Variants in PLEKHG2 observed in about 807,000 individuals in gnomAD.
PLEKHG2 encodes the protein pleckstrin homology and RhoGEF domain containing G2.
PLEKHG2 carries 71 observed loss-of-function variants against 104.4 expected under a neutral mutation model. The observed-to-expected ratio is 0.68, with a 90% confidence interval of 0.56 to 0.83. PLEKHG2 has a LOEUF of 0.83. Among genes scored for constraint, PLEKHG2 ranks in the 40% least tolerant of loss-of-function variants. PLEKHG2 has a pLI of 0.00. For synonymous variants in PLEKHG2, 728 were observed against 737.0 expected, an observed-to-expected ratio of 0.99 and a Z score of 0.20; for missense variants, 1,730 against 1,809.4, an observed-to-expected ratio of 0.96 and a Z score of 0.80.
rs1372331393 is a variant in PLEKHG2, at chr19:39,424,055, T to A, written c.2922T>A (p.Asp974Glu). 3 of 1,613,698 alleles carry A rather than the reference T, an allele frequency of 1.9e-6. No homozygotes were observed. Among genetic ancestry groups the A allele is most frequent in the Non-Finnish European group, 2.5e-6 (3 of 1,179,924 alleles). Reference protein sequence around the residue: ...LQVPALTTFSDQGHPEIQVPA... With the variant: ...LQVPALTTFSEQGHPEIQVPA... The stretch of plus-strand genomic sequence containing the variant: ...TGCCGGCTCTTACAACTTTCTCTGA[T>A]CAAGGCCACCCAGAAATCCAAGTTC... Residue 974 changes from aspartate (D) to glutamate (E), a missense_variant, in exon 19 of 19, where the codon GAT becomes GAA. By Grantham distance (45) the Asp-to-Glu change is conservative. Transcript: ENST00000425673.
intron 11 of PLEKHG2, among the ~76,000 whole-genome samples, chr19:39,420,233 C>T (rs1261851979): frequency 3.3e-5 from 5 of 151,962 alleles, no homozygotes; most frequent in East Asian, 1.9e-4. Context: ...GTAGCGGGCA[C>T]CTGTAATCCC....
In PLEKHG2 at chr19:39,423,496, G is replaced by A. The variant is rs750867855; in HGVS notation, c.2442G>A (p.Ala814=). 1.6e-5 allele frequency: 26 copies of A among 1,586,314 alleles called. No homozygotes were observed. The highest frequency in any genetic ancestry group is 6.7e-5 in the African/African-American group (5 of 74,116). Residue 814 remains alanine, a synonymous_variant, in exon 18 of 19, where the codon GCG becomes GCA. Transcript: ENST00000425673. ...KAGAPSSERT[A]SRVRELARLY... The stretch of plus-strand genomic sequence containing the variant: ...GAGCCCCGAGTTCAGAAAGGACGGC[G>A]TCCCGAGTGCGAGAGCTGGCCCGGC...
Position 39,414,173 on chromosome 19 carries a change from C to T in PLEKHG2, c.87C>T (p.Gly29=), listed in dbSNP as rs2078564287. 1 of 1,551,472 alleles carries T rather than the reference C, an allele frequency of 6.4e-7. No individual in the cohort carries two copies. The highest frequency in any genetic ancestry group is 8.7e-7 in the Non-Finnish European group (1 of 1,146,838). The change falls in exon 2 of 19, where the codon GGC becomes GGT. Residue 29 remains glycine, a synonymous_variant. Transcript: ENST00000425673. ...GAAGAGGTGAAGTGTGTGACTGTGG[C>T]ACCGTGTGTGAGACTCGGACAGGTG... ...CGRRGEVCDC[G]TVCETRTAPA...
In PLEKHG2 at chr19:39,425,687, G is replaced by T. The variant is rs1334777260; in HGVS notation, c.*393G>T. ...TTGGCGTGTGTGTGAACTGCTTGAT[G>T]CCCATCCAGGAAAGCCAAGTTAAGA... On this transcript the variant is annotated 3_prime_UTR_variant, in exon 19 of 19. Coordinates refer to ENST00000425673, the MANE Select transcript of PLEKHG2 (RefSeq NM_022835.3). The T allele has an allele frequency of 6.2e-6, 2 of 322,028 alleles. No homozygotes were observed. Among genetic ancestry groups the T allele is most frequent in the African/African-American group, 2.1e-5 (1 of 46,888 alleles). The allele number at this position is 322,028 out of a possible 1,614,324, so 19.9% of individuals were successfully genotyped here. A position where few individuals can be genotyped will look rare whatever the true frequency, so the allele number is the denominator to read the frequency against.
Position 39,424,776 on chromosome 19 carries a change from C to T in PLEKHG2, c.3643C>T (p.Pro1215Ser), listed in dbSNP as rs770046331. ...DAHVPAATPLPERGGSLDIQG... is the reference protein window; with the variant it reads ...DAHVPAATPLSERGGSLDIQG... ...CCATGTTCCAGCTGCCACACCTTTACCTGAGAGAGGAGGCTCTCTAGACAT... is the reference window on the plus strand; with the variant it reads ...CCATGTTCCAGCTGCCACACCTTTATCTGAGAGAGGAGGCTCTCTAGACAT... Residue 1215 changes from proline to serine, a missense_variant, in exon 19 of 19, where the codon CCT (proline) becomes TCT (serine). By Grantham distance (74) the Pro-to-Ser change is moderately conservative. Transcript: ENST00000425673. The T allele has an allele frequency of 1.2e-6, 2 of 1,614,098 alleles. No homozygotes were observed. Among genetic ancestry groups the T allele is most frequent in the African/African-American group, 1.3e-5 (1 of 74,942 alleles).
At position 39,425,714 on chromosome 19, in the gene PLEKHG2, G is replaced by A. The variant is rs2078774473; in HGVS notation, c.*420G>A. ...CCATCCAGGAAAGCCAAGTTAAGAAGCTTTGCTTCAAGTAGACACTAGAAA... is the reference window on the plus strand; with the variant it reads ...CCATCCAGGAAAGCCAAGTTAAGAAACTTTGCTTCAAGTAGACACTAGAAA... On this transcript the variant is annotated 3_prime_UTR_variant, in exon 19 of 19. Coordinates refer to ENST00000425673, the MANE Select transcript of PLEKHG2 (RefSeq NM_022835.3). 3.7e-6 allele frequency: 1 copy of A among 272,980 alleles called. No individual in the cohort carries two copies. The highest frequency in any genetic ancestry group is 1.7e-4 in the South Asian group (1 of 6,048). The allele number at this position is 272,980 out of a possible 1,614,324, so 16.9% of individuals were successfully genotyped here.
At position 39,423,669 on chromosome 19, in the gene PLEKHG2, G is replaced by A. The variant is rs200006310; in HGVS notation, c.2599+16G>A. 1.1e-4 allele frequency: 170 copies of A among 1,555,320 alleles called. No individual in the cohort carries two copies. Among genetic ancestry groups the A allele is most frequent in the Middle Eastern group, 3.5e-4 (2 of 5,782 alleles). ...GCAGAGCCAGGTGAGGTCCGGGTAC[G>A]TGGTTGGCAGAGGTGGTCCCCGCTG... is the stretch of plus-strand genomic sequence containing the variant. On this transcript the variant is annotated intron_variant, in intron 18 of 18. Transcript: ENST00000425673.
At position 39,427,360 on chromosome 19, in the gene PLEKHG2, G is replaced by GTT. The variant is rs2078794005; in HGVS notation, c.*2068_*2069dup. Reference sequence around the variant, plus strand: ...GAATTTTTTTTTTTTTTTAGACGGAGTTTCGCTCTTGTTGCCCAGGCTGGA... The same window carrying GTT: ...GAATTTTTTTTTTTTTTTAGACGGAGTTTTTCGCTCTTGTTGCCCAGGCTGGA... On this transcript the variant is annotated 3_prime_UTR_variant, in exon 19 of 19. Transcript: ENST00000425673. 7.0e-6 allele frequency: 1 copy of GTT among 142,056 alleles called. No homozygotes were observed. Among genetic ancestry groups the GTT allele is most frequent in the African/African-American group, 2.7e-5 (1 of 37,480 alleles). 8.8% of individuals were successfully genotyped at this position (142,056 alleles called of 1,614,324 possible).
At chr19:39,421,397 G>C in intron 16 of PLEKHG2, 98 bp downstream of exon 16, 3 of 1,328,692 alleles carry the variant, frequency 2.3e-6, no homozygotes, top group African/African-American at 1.5e-5. Flanking sequence ...AATGAGAAGG[G>C]GATTGGGGCC....
rs771885115 is a variant in PLEKHG2 at position 39,415,447 on chromosome 19, G to C, written c.479+8G>C. 6.2e-7 allele frequency: 1 copy of C among 1,613,844 alleles called. No individual in the cohort carries two copies. The highest frequency in any genetic ancestry group is 1.1e-5 in the South Asian group (1 of 91,050). On this transcript the variant is annotated splice_region_variant and intron_variant, in intron 4 of 18. Coordinates refer to ENST00000425673, the MANE Select transcript of PLEKHG2 (RefSeq NM_022835.3). The surrounding 1 kb of genome is among the most constrained non-coding windows in gnomAD (Gnocchi z 4.6). ...CATCTACGAGTTCAGCAGGTCAGGG[G>C]CAGGGGGGACAGGCAGGGGGCATTG...
In PLEKHG2 at chr19:39,421,750, G is replaced by A. The variant is rs180885864; in HGVS notation, c.1504-365G>A. ...ATTTAAAAATTGAGCCAGGTACGGT[G>A]GCTCACCTGTAATCCCAGCACTTTG... On this transcript the variant is annotated intron_variant, in intron 16 of 18. Transcript: ENST00000425673. The A allele has an allele frequency of 8.0e-4, 178 of 223,642 alleles. 1 individual carries two copies. Among genetic ancestry groups the A allele is most frequent in the Non-Finnish European group, 1.3e-3 (143 of 113,618 alleles). The allele number at this position is 223,642 out of a possible 1,614,324, so 13.9% of individuals were successfully genotyped here.
Position 39,425,367 on chromosome 19 carries a change from G to A in PLEKHG2, c.*73G>A, listed in dbSNP as rs2078769806. 4 of 1,524,702 alleles carry A rather than the reference G, an allele frequency of 2.6e-6. No homozygotes were observed. Among genetic ancestry groups the A allele is most frequent in the South Asian group, 2.5e-5 (2 of 78,556 alleles). The allele number at this position is 1,524,702 out of a possible 1,614,324, so 94.4% of individuals were successfully genotyped here. A position where few individuals can be genotyped will look rare whatever the true frequency, so the allele number is the denominator to read the frequency against. On this transcript the variant is annotated 3_prime_UTR_variant, in exon 19 of 19. Transcript: ENST00000425673. Reference sequence around the variant, plus strand: ...TAGACCCTCAGAACTTGACCTGGAAGTCCAGACACTGAACGCAGGCCTCAA... The same window carrying A: ...TAGACCCTCAGAACTTGACCTGGAAATCCAGACACTGAACGCAGGCCTCAA...
At position 39,416,469 on chromosome 19, in the gene PLEKHG2, G is replaced by T; in HGVS notation, c.546+55G>T. On this transcript the variant is annotated intron_variant, in intron 5 of 18. Transcript: ENST00000425673. The surrounding 1 kb of genome is among the most constrained non-coding windows in gnomAD (Gnocchi z 4.5). ...CTGGATGGGGCCTTTGTAGAGGGGG[G>T]AGAGCAGGCTTGGGCTAGGCTGGAA... 1 of 1,524,400 alleles carries T rather than the reference G, an allele frequency of 6.6e-7. No homozygotes were observed. The highest frequency in any genetic ancestry group is 1.1e-5 in the South Asian group (1 of 89,074). 94.4% of individuals were successfully genotyped at this position (1,524,400 alleles called of 1,614,324 possible).
chr19:39,421,852 A>C, intron 16 of PLEKHG2: 1 of 305,712 alleles, frequency 3.3e-6, no homozygotes, highest in African/African-American at 2.2e-5. Context: ...CCCCGACTCT[A>C]CTAAAAATAC....
chr19:39,426,817 C>G lies in PLEKHG2; in HGVS notation c.*1523C>G, dbSNP rs2078786633. ...AGTCCCAACCTATTGAATCAGGATCCCCAGGGAAGGAGGAGCTTGGGAATC... is the reference window on the plus strand; with the variant it reads ...AGTCCCAACCTATTGAATCAGGATCGCCAGGGAAGGAGGAGCTTGGGAATC... On this transcript the variant is annotated 3_prime_UTR_variant, in exon 19 of 19. Coordinates refer to ENST00000425673, the MANE Select transcript of PLEKHG2 (RefSeq NM_022835.3). The G allele has an allele frequency of 6.6e-6, 1 of 151,686 alleles. No homozygotes were observed. Among genetic ancestry groups the G allele is most frequent in the Admixed American group, 6.6e-5 (1 of 15,170 alleles). 9.4% of individuals were successfully genotyped at this position (151,686 alleles called of 1,614,324 possible). A position where few individuals can be genotyped will look rare whatever the true frequency, so the allele number is the denominator to read the frequency against.
Position 39,416,406 on chromosome 19 carries a change from G to C in PLEKHG2, c.538G>C (p.Val180Leu), listed in dbSNP as rs759828258. ...CGCCGGGGGTATTGCCGAGTGCTTC[G>C]TGCAGAGGGTGAGTGGAGGGGTGGG... ...SSAGGIAECF[V>L]QRSEDFDIYT... Residue 180 changes from valine (V) to leucine (L), a missense_variant, in exon 5 of 19, where the codon GTG (valine) becomes CTG (leucine). Physicochemically the swap from Val to Leu is conservative, Grantham distance 32 (BLOSUM62 1). Transcript: ENST00000425673. The surrounding 1 kb of genome is among the most constrained non-coding windows in gnomAD (Gnocchi z 4.5). 9 of 1,612,944 alleles carry C rather than the reference G, an allele frequency of 5.6e-6. No homozygotes were observed. Among genetic ancestry groups the C allele is most frequent in the Middle Eastern group, 1.7e-4 (1 of 5,890 alleles).
At chr19:39,414,858 T>A in intron 2 of PLEKHG2, 134 bp from the exon 3 acceptor site, 1 of 1,029,348 alleles carries the variant, frequency 9.7e-7, no homozygotes, top group Non-Finnish European at 1.4e-6. Context: ...GACAGGGCAG[T>A]GGGGAGAGGA....
Position 39,420,906 on chromosome 19 carries a change from CG to C in PLEKHG2, c.1400-40del, listed in dbSNP as rs1364990967. 4 of 1,613,830 alleles carry C rather than the reference CG, an allele frequency of 2.5e-6. No homozygotes were observed. The African/African-American group carries it at 5.3e-5, about 22-fold the overall frequency. Reference sequence around the variant, plus strand: ...CCCTCAGCCCCACTTCCCTAGGACCCGGGAGCTGGGCTCACACAGGGCTCTG... The same window carrying C: ...CCCTCAGCCCCACTTCCCTAGGACCCGGAGCTGGGCTCACACAGGGCTCTG... On this transcript the variant is annotated intron_variant, in intron 13 of 18. Transcript: ENST00000425673.
chr19:39,421,659 A>C (rs1255978103), intron 16 of PLEKHG2: 5 of 349,950 alleles, frequency 1.4e-5, no homozygotes, highest in African/African-American at 1.0e-4. Flanking sequence ...ACTGCACTCC[A>C]GCATGGGTCA....
Sources: allele counts gnomAD v4.1 joint callset (sites outside exome capture counted in the v4.1 genomes callset), GRCh38; gene constraint gnomAD v4.1.1; non-coding constraint Gnocchi (gnomAD v3.1); transcripts MANE v1.5; gene names NCBI Gene and HGNC (gene_info 2026-07-23, HGNC 2026-07-21).